Variants in GLRA3 observed in about 807,000 individuals in gnomAD.
The protein encoded by GLRA3 is glycine receptor alpha 3, also known as glycine receptor subunit alpha-3.
A neutral mutation model predicts 60.4 loss-of-function variants in GLRA3; 44 were observed. The observed-to-expected ratio is 0.73, with a 90% CI of 0.57 to 0.94. The LOEUF is 0.94. Among genes scored for constraint, GLRA3 ranks in the 40% least tolerant of loss-of-function variants. GLRA3 has a pLI of 0.00. For synonymous variants in GLRA3, 223 were observed against 192.9 expected (o/e 1.16, Z -1.29); for missense variants, 508 against 564.6 (o/e 0.90, Z 1.02).
intron 3 of GLRA3, among the ~76,000 whole-genome samples, chr4:174,730,227 C>T (rs1428546511): frequency 6.6e-6 from 1 of 152,144 alleles, no homozygotes; most frequent in African/African-American, 2.4e-5. Flanking sequence ...TAGAATAGGT[C>T]ATCTTCTCTT....
At chr4:174,730,264 C>T (rs1176325465) in intron 3 of GLRA3, among the ~76,000 whole-genome samples, 1 of 152,156 alleles carries the variant, frequency 6.6e-6, no homozygotes, top group East Asian at 1.9e-4. Context: ...CACCAGGAAG[C>T]ACAGCTCCAT....
At chr4:174,683,417 C>A (rs910690924) in intron 5 of GLRA3, among the ~76,000 whole-genome samples, 5 of 151,478 alleles carry the variant, frequency 3.3e-5, no homozygotes, top group Non-Finnish European at 7.4e-5. Flanking sequence ...GTGGTGTGAT[C>A]TCAGCTCACC....
intron 3 of GLRA3, among the ~76,000 whole-genome samples, chr4:174,734,055 AC>A (rs1259560252): frequency 3.9e-5 from 6 of 152,154 alleles, no homozygotes; most frequent in Non-Finnish European, 8.8e-5. Context: ...ATGGTAGAAA[AC>A]TTAAGGCAAA....
At chr4:174,652,581 CA>C (rs34717786) in intron 9 of GLRA3, among the ~76,000 whole-genome samples, 1,897 of 151,300 alleles carry the variant, frequency 0.013, 10 homozygotes, top group African/African-American at 0.024. Context: ...TTAAAACTGA[CA>C]AAAAAAAATT....
intron 4 of GLRA3, among the ~76,000 whole-genome samples, chr4:174,718,151 T>G (rs1735993662): frequency 6.6e-6 from 1 of 152,252 alleles, no homozygotes; most frequent in Admixed American, 6.5e-5. Flanking sequence ...TCTTTCTTTT[T>G]GTTTAAGGTA....
rs146464463 is a variant in GLRA3 at position 174,825,231 on chromosome 4, A to G, written c.71+3510T>C. Among the ~76,000 whole-genome samples the G allele has an allele frequency of 5.2e-3, 787 of 152,212 alleles. 7 individuals are homozygous for G. Among genetic ancestry groups the G allele is most frequent in the African/African-American group, 0.018 (730 of 41,556 alleles). ...TGTAGTAAATCATAATAATAGTAAA[A>G]TTGTATTCCTAGAAATATAGTTTTC... On this transcript the variant is annotated intron_variant, in intron 1 of 9. Transcript: ENST00000274093.
intron 3 of GLRA3, among the ~76,000 whole-genome samples, chr4:174,743,010 T>C (rs28510968): frequency 0.2 from 30,115 of 152,164 alleles, 4,385 homozygotes; most frequent in African/African-American, 0.41. Context: ...GGAATATCCA[T>C]AGCTGTTGTG....
At chr4:174,672,245 A>G (rs1733934586) in intron 7 of GLRA3, among the ~76,000 whole-genome samples, 1 of 152,100 alleles carries the variant, frequency 6.6e-6, no homozygotes, top group Non-Finnish European at 1.5e-5. Flanking sequence ...ATACTTCCCT[A>G]TTTCTTTCCT....
chr4:174,637,849 A>G lies in GLRA3; in HGVS notation c.*5937T>C, dbSNP rs1732533898. The G allele has an allele frequency of 6.6e-6, 1 of 152,188 alleles. No homozygotes were observed. Among genetic ancestry groups the G allele is most frequent in the Non-Finnish European group, 1.5e-5 (1 of 68,038 alleles). The allele number at this position is 152,188 out of a possible 1,614,324, so 9.4% of individuals were successfully genotyped here. A position where few individuals can be genotyped will look rare whatever the true frequency, so the allele number is the denominator to read the frequency against. ...TTAACAGTTACTGAAAATAATATAC[A>G]TAGAAATTTTCATCAATTTCTATTT... On this transcript the variant is annotated 3_prime_UTR_variant, in exon 10 of 10. Coordinates refer to ENST00000274093, the MANE Select transcript of GLRA3 (RefSeq NM_006529.4).
intron 8 of GLRA3, among the ~76,000 whole-genome samples, chr4:174,657,166 AC>A (rs1420799784): frequency 6.6e-6 from 1 of 152,166 alleles, no homozygotes; most frequent in Non-Finnish European, 1.5e-5. Flanking sequence ...TTTTAATTTC[AC>A]TTTTACATGT....
chr4:174,819,685 CT>C (rs1740658298), intron 1 of GLRA3, among the ~76,000 whole-genome samples: 1 of 152,018 alleles, frequency 6.6e-6, no homozygotes, highest in Non-Finnish European at 1.5e-5. Flanking sequence ...ACTCATCTAC[CT>C]TTTATAGAGA....
intron 5 of GLRA3, among the ~76,000 whole-genome samples, chr4:174,706,095 T>G (rs1262659865): frequency 6.6e-6 from 1 of 151,870 alleles, no homozygotes; most frequent in Non-Finnish European, 1.5e-5. Flanking sequence ...CCGGGCGTGG[T>G]GGCGGGCACC....
intron 3 of GLRA3, among the ~76,000 whole-genome samples, chr4:174,729,913 A>G (rs922462789): frequency 3.9e-5 from 6 of 152,238 alleles, no homozygotes; most frequent in East Asian, 1.9e-4. Flanking sequence ...TAATAATATC[A>G]GAACAGGTAG....
chr4:174,700,284 C>T (rs1271009923), intron 5 of GLRA3, among the ~76,000 whole-genome samples: 1 of 152,066 alleles, frequency 6.6e-6, no homozygotes, highest in Admixed American at 6.6e-5. Context: ...TTTGTGGCAA[C>T]CCTATATTAA....
At chr4:174,731,710 G>T (rs963435031) in intron 3 of GLRA3, among the ~76,000 whole-genome samples, 1 of 152,118 alleles carries the variant, frequency 6.6e-6, no homozygotes, top group African/African-American at 2.4e-5. Context: ...TAAGGTTAAT[G>T]AAAACATAAA....
At chr4:174,679,449 G>A (rs1240577845) in intron 6 of GLRA3, among the ~76,000 whole-genome samples, 1 of 152,140 alleles carries the variant, frequency 6.6e-6, no homozygotes, top group Non-Finnish European at 1.5e-5. Flanking sequence ...GTACACCATT[G>A]GTGGGAATAT....
chr4:174,688,327 A>G (rs1240405093), intron 5 of GLRA3, among the ~76,000 whole-genome samples: 2 of 29,948 alleles, frequency 6.7e-5, no homozygotes, highest in Admixed American at 5.1e-4. Context: ...TCATATATAT[A>G]TATATATATA....
chr4:174,776,012 T>G (rs1738583447), intron 2 of GLRA3, among the ~76,000 whole-genome samples: 2 of 149,660 alleles, frequency 1.3e-5, no homozygotes, highest in Non-Finnish European at 3.0e-5. Flanking sequence ...GGGAAGGAGG[T>G]GGAGAGTGAG....
chr4:174,737,774 A>G (rs776226964), intron 3 of GLRA3, among the ~76,000 whole-genome samples: 26 of 152,292 alleles, frequency 1.7e-4, no homozygotes, highest in South Asian at 8.3e-4. Flanking sequence ...GATCTCCCAA[A>G]GTGCTGGGAT....
Sources: gnomAD v4.1 joint callset for allele counts (sites outside exome capture counted in the v4.1 genomes callset) on GRCh38, gnomAD v4.1.1 for gene constraint, MANE v1.5 for transcripts, NCBI Gene and HGNC (gene_info 2026-07-23, HGNC 2026-07-21) for gene names.